The following DMD variants were observed in gnomAD, a reference collection of about 807,000 sequenced individuals.
DMD encodes dystrophin.
A neutral mutation model predicts 330.1 loss-of-function variants in DMD; 63 were observed. The observed-to-expected ratio is 0.19, with a 90% CI of 0.16 to 0.24. DMD has a LOEUF of 0.24. Among genes scored for constraint, DMD ranks in the 10% least tolerant of loss-of-function variants. The pLI is 1.00. For missense variants in DMD, 3,344 were observed against 2,684.1 expected, an observed-to-expected ratio of 1.25 and a Z score of -5.43; for synonymous variants, 1,223 against 959.8, an observed-to-expected ratio of 1.27 and a Z score of -5.07.
At chrX:32,775,467 C>T (rs1396220061) in intron 7 of DMD, among the ~76,000 whole-genome samples, 3 of 113,204 alleles carry the variant, frequency 2.7e-5, no homozygotes, top group African/African-American at 9.6e-5. Context: ...ATCCTCTAGA[C>T]ATCTAGGCAG....
At chrX:31,566,223 T>C (rs1043034974) in intron 55 of DMD, among the ~76,000 whole-genome samples, 11 of 112,111 alleles carry the variant, frequency 9.8e-5, no homozygotes, top group Non-Finnish European at 2.1e-4. Flanking sequence ...TTGATAGTTT[T>C]ATGTTTTACA....
intron 1 of DMD, among the ~76,000 whole-genome samples, chrX:33,179,640 G>A (rs1219469403): frequency 3.8e-5 from 4 of 106,606 alleles, no homozygotes; most frequent in Non-Finnish European, 7.7e-5. Flanking sequence ...CTTGCAGTGA[G>A]CCGAGATCGC....
intron 42 of DMD, among the ~76,000 whole-genome samples, chrX:32,293,808 C>T (rs757463164): frequency 1.8e-5 from 2 of 111,804 alleles, no homozygotes; most frequent in African/African-American, 3.2e-5. Flanking sequence ...CAAACCTGCA[C>T]ATGTATTCCT....
intron 51 of DMD, among the ~76,000 whole-genome samples, chrX:31,744,975 C>T (rs1018020954): frequency 2.1e-4 from 23 of 111,694 alleles, no homozygotes; most frequent in Admixed American, 9.6e-5. Flanking sequence ...CATGCATGCT[C>T]GCACACGCAG....
chrX:31,711,289 G>T (rs1425009320), intron 52 of DMD, among the ~76,000 whole-genome samples: 1 of 110,780 alleles, frequency 9.0e-6, no homozygotes, highest in African/African-American at 3.3e-5. Flanking sequence ...CTAAAAGATG[G>T]TTTTCTCTTT....
intron 43 of DMD, among the ~76,000 whole-genome samples, chrX:32,265,001 G>A (rs757552654): frequency 3.6e-5 from 4 of 112,607 alleles, no homozygotes; most frequent in South Asian, 3.6e-4. Flanking sequence ...ATTTTCTGAG[G>A]AGAAATTCAA....
intron 47 of DMD, among the ~76,000 whole-genome samples, chrX:31,880,187 T>A (rs190677593): frequency 1.5e-3 from 164 of 111,796 alleles, no homozygotes; most frequent in African/African-American, 4.9e-3. Flanking sequence ...TTTAGAAAAA[T>A]TAAAGTGTTA....
chrX:31,454,230 G>A (rs148923161), intron 59 of DMD, among the ~76,000 whole-genome samples: 3,960 of 110,356 alleles, frequency 0.036, 149 homozygotes, highest in African/African-American at 0.12. Flanking sequence ...CCTCCGCCTC[G>A]TGGGTTCAAG....
At chrX:33,287,191 A>G (rs1320519760) in intron 1 of DMD, among the ~76,000 whole-genome samples, 1 of 111,662 alleles carries the variant, frequency 9.0e-6, no homozygotes, top group Non-Finnish European at 1.9e-5. Flanking sequence ...TTCACTCAAT[A>G]TTATATATTT....
intron 48 of DMD, among the ~76,000 whole-genome samples, chrX:31,861,379 C>T (rs1038332005): frequency 5.4e-5 from 6 of 110,476 alleles, no homozygotes; most frequent in African/African-American, 2.0e-4. Flanking sequence ...GCAAAATGTA[C>T]TAACAAGACA....
At chrX:32,552,160 T>C (rs2049633786) in intron 16 of DMD, among the ~76,000 whole-genome samples, 1 of 111,985 alleles carries the variant, frequency 8.9e-6, no homozygotes, top group African/African-American at 3.2e-5. Flanking sequence ...AGAGCCAGAA[T>C]AGCCAAGGTA....
chrX:32,558,945 T>TTTTTTCTTTTTTC (rs1556795924), intron 16 of DMD, among the ~76,000 whole-genome samples: 2 of 40,125 alleles, frequency 5.0e-5, no homozygotes, highest in African/African-American at 1.5e-4. Context: ...TTTCTTTTTT[T>TTTTTTCTTTTTTC]TTTTTTTTTT....
At chrX:31,247,817 G>A (rs1367774999) in intron 63 of DMD, among the ~76,000 whole-genome samples, 3 of 111,536 alleles carry the variant, frequency 2.7e-5, no homozygotes, top group Non-Finnish European at 5.6e-5. Flanking sequence ...CAAGTGGGGC[G>A]TGAAGATATG....
intron 44 of DMD, among the ~76,000 whole-genome samples, chrX:32,022,168 G>T (rs2095810783): frequency 9.0e-6 from 1 of 111,510 alleles, no homozygotes; most frequent in African/African-American, 3.3e-5. Context: ...ATCCAGAAAA[G>T]GGGCCTGGAT....
intron 48 of DMD, among the ~76,000 whole-genome samples, chrX:31,846,677 T>C (rs1347595079): frequency 1.8e-5 from 2 of 111,330 alleles, no homozygotes; most frequent in Non-Finnish European, 3.8e-5. Context: ...TGAACAGAAA[T>C]AGTCAAAAAT....
rs746403072 is a variant in DMD, at chrX:32,092,252, T to C, written c.6439-123738A>G. ...AGAGCTCCTGGTTAACATCTGAAAGTATTCACCCACACCGTAATCCGCTGG... is the reference window on the plus strand; with the variant it reads ...AGAGCTCCTGGTTAACATCTGAAAGCATTCACCCACACCGTAATCCGCTGG... On this transcript the variant is annotated intron_variant, in intron 44 of 78. Transcript: ENST00000357033. 5.4e-5 allele frequency among the ~76,000 whole-genome samples: 6 copies of C among 112,011 alleles called. No individual in the cohort carries two copies. The South Asian group carries it at 2.2e-3, about 42-fold the overall frequency.
At chrX:32,185,076 G>T (rs940718417) in intron 44 of DMD, among the ~76,000 whole-genome samples, 4 of 110,801 alleles carry the variant, frequency 3.6e-5, no homozygotes, top group Non-Finnish European at 7.6e-5. Flanking sequence ...CACTTCCTCA[G>T]TTGTACCTCA....
At chrX:33,156,831 A>G (rs2048528089) in intron 1 of DMD, among the ~76,000 whole-genome samples, 1 of 111,953 alleles carries the variant, frequency 8.9e-6, no homozygotes. Flanking sequence ...ACAGAAGGTT[A>G]TTGTGAGAAA....
intron 25 of DMD, among the ~76,000 whole-genome samples, chrX:32,461,789 TAATCTATTATTTA>T (rs1480742299): frequency 9.1e-6 from 1 of 110,213 alleles, no homozygotes; most frequent in African/African-American, 3.3e-5. Flanking sequence ...ATCAATGGTA[TAATCTATTATTTA>T]AGTAATATTT....
Sources: gnomAD v4.1 joint callset for allele counts (sites outside exome capture counted in the v4.1 genomes callset) on GRCh38, gnomAD v4.1.1 for gene constraint, MANE v1.5 for transcripts, NCBI Gene and HGNC (gene_info 2026-07-23, HGNC 2026-07-21) for gene names.